SH2D4B: variants seen among roughly 807,000 people sequenced by gnomAD.
SH2D4B encodes SH2 domain-containing protein 4B.
SH2D4B carries 45 observed loss-of-function variants against 61.5 expected under a neutral mutation model. The observed-to-expected ratio is 0.73, with a 90% CI of 0.58 to 0.94. The LOEUF (loss-of-function observed/expected upper bound fraction) is 0.94, where lower values mean the gene tolerates loss of function less well. Ranked by LOEUF, SH2D4B falls within the 40% of genes least tolerant of loss-of-function variation. SH2D4B has a pLI of 0.00. For synonymous variants in SH2D4B, 224 were observed against 220.4 expected, an observed-to-expected ratio of 1.02 and a Z score of -0.14; for missense variants, 572 against 574.2, an observed-to-expected ratio of 1.00 and a Z score of 0.04.
intron 5 of SH2D4B, among the ~76,000 whole-genome samples, chr10:80,604,207 T>G (rs1842488983): frequency 6.6e-6 from 1 of 152,196 alleles, no homozygotes; most frequent in African/African-American, 2.4e-5. Context: ...TTGCTGCCTG[T>G]CGGAGCCCCA....
At chr10:80,626,668 C>T (rs1423688407) in intron 6 of SH2D4B, among the ~76,000 whole-genome samples, 1 of 152,204 alleles carries the variant, frequency 6.6e-6, no homozygotes, top group Non-Finnish European at 1.5e-5. Flanking sequence ...TGTCCCTTCT[C>T]TCCCTCACAC....
Position 80,543,796 on chromosome 10 carries a change from C to G in SH2D4B, c.184+5281C>G, listed in dbSNP as rs1288434847. 2.0e-5 allele frequency among the ~76,000 whole-genome samples: 3 copies of G among 152,186 alleles called. No homozygotes were observed. The East Asian group carries it at 5.8e-4, about 29-fold the overall frequency. ...ACACCAATCAGCACCCTGTGTCTAG[C>G]TCAGGGTTTGTGAATGCACCAATGG... On this transcript the variant is annotated intron_variant, in intron 1 of 7. Coordinates refer to ENST00000646907, the MANE Select transcript of SH2D4B (RefSeq NM_001388272.1).
chr10:80,609,557 A>G lies in SH2D4B; in HGVS notation c.988+6A>G. 1 of 1,613,980 alleles carries G rather than the reference A, an allele frequency of 6.2e-7. No individual in the cohort carries two copies. Among genetic ancestry groups the G allele is most frequent in the Non-Finnish European group, 8.5e-7 (1 of 1,179,844 alleles). Reference sequence around the variant, plus strand: ...CATCGCCCCCTGGTTCCATGGTAGCACCATTTTTCTGGGCCCTGTGCCAGA... The same window carrying G: ...CATCGCCCCCTGGTTCCATGGTAGCGCCATTTTTCTGGGCCCTGTGCCAGA... On this transcript the variant is annotated splice_donor_region_variant and intron_variant, in intron 6 of 7. Coordinates refer to ENST00000646907, the MANE Select transcript of SH2D4B (RefSeq NM_001388272.1).
In SH2D4B at chr10:80,609,393, C is replaced by A. The variant is rs73309257; in HGVS notation, c.861-31C>A. On this transcript the variant is annotated intron_variant, in intron 5 of 7. Coordinates refer to ENST00000646907, the MANE Select transcript of SH2D4B (RefSeq NM_001388272.1). ...CTCCGCTCTTTCTCCCTCCCTGACT[C>A]TTCTGCCCTCCCCACTTTCTTTCTC... 1.9e-6 allele frequency: 3 copies of A among 1,600,368 alleles called. No individual in the cohort carries two copies. In the African/African-American group the frequency reaches 4.0e-5, roughly 22 times the overall value.
intron 1 of SH2D4B, among the ~76,000 whole-genome samples, chr10:80,542,549 C>T (rs554884732): frequency 6.6e-6 from 1 of 151,796 alleles, no homozygotes; most frequent in Non-Finnish European, 1.5e-5. Flanking sequence ...AGGCGCCCAC[C>T]ACCACAACCA....
intron 6 of SH2D4B, among the ~76,000 whole-genome samples, chr10:80,629,499 C>T (rs1000901314): frequency 3.3e-4 from 50 of 152,134 alleles, no homozygotes; most frequent in African/African-American, 9.7e-4. Context: ...CCAGAAATGG[C>T]CCAGCTAAGT....
intron 3 of SH2D4B, among the ~76,000 whole-genome samples, chr10:80,586,034 G>A: frequency 6.6e-6 from 1 of 152,208 alleles, no homozygotes; most frequent in East Asian, 1.9e-4. Context: ...CAGCTGCGGA[G>A]AGTGTGCTGG....
intron 3 of SH2D4B, 103 bp downstream of exon 3, chr10:80,571,681 C>T (rs45526031): frequency 0.13 from 174,827 of 1,359,382 alleles, 11,858 homozygotes; most frequent in African/African-American, 0.17. Context: ...TTGGTTGGTA[C>T]TGGGTGCTTT....
chr10:80,593,231 A>G (rs911456103), intron 4 of SH2D4B, among the ~76,000 whole-genome samples: 1 of 152,184 alleles, frequency 6.6e-6, no homozygotes, highest in Non-Finnish European at 1.5e-5. Flanking sequence ...AATTGTTGCA[A>G]TAAAGGTAGC....
At chr10:80,551,575 A>G (rs980874555) in intron 1 of SH2D4B, among the ~76,000 whole-genome samples, 2 of 152,230 alleles carry the variant, frequency 1.3e-5, no homozygotes, top group Admixed American at 6.5e-5. Context: ...GAAATTTCAA[A>G]TCACAATGAA....
At chr10:80,623,700 A>G (rs186128438) in intron 6 of SH2D4B, among the ~76,000 whole-genome samples, 40 of 152,290 alleles carry the variant, frequency 2.6e-4, no homozygotes, top group Admixed American at 2.0e-3. Context: ...CCCTTACCCC[A>G]TACTTACCTA....
At chr10:80,573,904 TA>T (rs1384348556) in intron 3 of SH2D4B, among the ~76,000 whole-genome samples, 2 of 152,154 alleles carry the variant, frequency 1.3e-5, no homozygotes, top group African/African-American at 4.8e-5. Context: ...CATCAATTTA[TA>T]GCTGTCTTTG....
chr10:80,572,455 C>T (rs1466418862), intron 3 of SH2D4B, among the ~76,000 whole-genome samples: 2 of 152,000 alleles, frequency 1.3e-5, no homozygotes, highest in Non-Finnish European at 2.9e-5. Context: ...AAGCCATGGC[C>T]AGAGTTTGAT....
intron 7 of SH2D4B, among the ~76,000 whole-genome samples, chr10:80,641,851 A>G (rs1287637083): frequency 6.6e-6 from 1 of 152,236 alleles, no homozygotes; most frequent in Non-Finnish European, 1.5e-5. Flanking sequence ...ATTTATGCCA[A>G]TGTGGAGATC....
intron 3 of SH2D4B, among the ~76,000 whole-genome samples, chr10:80,577,059 G>A (rs967632343): frequency 6.6e-5 from 10 of 152,200 alleles, no homozygotes; most frequent in African/African-American, 1.4e-4. Flanking sequence ...GAGCCACTGC[G>A]CCTGGACTGA....
intron 1 of SH2D4B, among the ~76,000 whole-genome samples, chr10:80,559,719 C>T (rs573475674): frequency 1.3e-5 from 2 of 150,128 alleles, no homozygotes; most frequent in East Asian, 3.9e-4. Context: ...CTCACTGTAG[C>T]CTTGACCTCC....
At chr10:80,563,957 T>C (rs949843284) in intron 1 of SH2D4B, among the ~76,000 whole-genome samples, 11 of 152,232 alleles carry the variant, frequency 7.2e-5, no homozygotes, top group Admixed American at 5.9e-4. Context: ...TTTCCATACG[T>C]TGGTACATAT....
At chr10:80,629,790 T>A (rs918065143) in intron 6 of SH2D4B, among the ~76,000 whole-genome samples, 2 of 152,200 alleles carry the variant, frequency 1.3e-5, no homozygotes, top group African/African-American at 4.8e-5. Context: ...GCTATTAATA[T>A]CAATACCACT....
Position 80,646,277 on chromosome 10 carries a change from G to A in SH2D4B, c.*2192G>A, listed in dbSNP as rs1840394222. ...CCAAGAACTCCCAGCAGCTTTGAAA[G>A]CAGACTGAGATGAGTTGAGACCCTG... On this transcript the variant is annotated 3_prime_UTR_variant, in exon 8 of 8. Coordinates refer to ENST00000646907, the MANE Select transcript of SH2D4B (RefSeq NM_001388272.1). 6.6e-6 allele frequency: 1 copy of A among 152,632 alleles called. No individual in the cohort carries two copies. The highest frequency in any genetic ancestry group is 2.1e-4 in the South Asian group (1 of 4,832). 9.5% of individuals were successfully genotyped at this position (152,632 alleles called of 1,614,324 possible). A position where few individuals can be genotyped will look rare whatever the true frequency, so the allele number is the denominator to read the frequency against.
Sources: gnomAD v4.1 joint callset for allele counts (sites outside exome capture counted in the v4.1 genomes callset) on GRCh38, gnomAD v4.1.1 for gene constraint, MANE v1.5 for transcripts, NCBI Gene and HGNC (gene_info 2026-07-23, HGNC 2026-07-21) for gene names.